PTPRD: variants seen among roughly 807,000 people sequenced by gnomAD.
The protein encoded by PTPRD is receptor-type tyrosine-protein phosphatase delta.
Under a neutral mutation model 214.5 loss-of-function variants are expected in PTPRD, and 34 were observed. The observed-to-expected ratio is 0.16, with a 90% CI of 0.12 to 0.21. PTPRD has a LOEUF of 0.21. Ranked by LOEUF, PTPRD falls within the 10% of genes least tolerant of loss-of-function variation. The pLI is 1.00. For missense variants in PTPRD, 2,545 were observed against 2,398.7 expected (o/e 1.06, Z -1.27); for synonymous variants, 1,128 against 845.7 (o/e 1.33, Z -5.79).
chr9:10,109,190 T>G (rs1164253295), intron 3 of PTPRD, among the ~76,000 whole-genome samples: 1 of 152,212 alleles, frequency 6.6e-6, no homozygotes, highest in Non-Finnish European at 1.5e-5. Flanking sequence ...AAGTTCTTTC[T>G]GTTACTGCAT....
intron 5 of PTPRD, among the ~76,000 whole-genome samples, chr9:9,829,443 T>C (rs1223916418): frequency 6.6e-6 from 1 of 151,884 alleles, no homozygotes; most frequent in Admixed American, 6.6e-5. Flanking sequence ...TTTGTTCTGA[T>C]TTTAATATCC....
At position 8,967,794 on chromosome 9, in the gene PTPRD, G is replaced by A. The variant is rs575990459; in HGVS notation, c.-104+50903C>T. 6.0e-4 allele frequency among the ~76,000 whole-genome samples: 91 copies of A among 152,102 alleles called. No homozygotes were observed. The South Asian group carries it at 0.018, about 30-fold the overall frequency. ...TAAATTAAAGTTTTAGGGTACAAGTGCACAACGTGCAGGTGTGTTACATAT... is the reference window on the plus strand; with the variant it reads ...TAAATTAAAGTTTTAGGGTACAAGTACACAACGTGCAGGTGTGTTACATAT... On this transcript the variant is annotated intron_variant, in intron 11 of 45. Transcript: ENST00000381196.
intron 2 of PTPRD, among the ~76,000 whole-genome samples, chr9:10,515,317 T>G (rs2049689198): frequency 6.6e-6 from 1 of 151,982 alleles, no homozygotes; most frequent in Non-Finnish European, 1.5e-5. Context: ...TGAAAAATGC[T>G]AAATACTGAA....
intron 7 of PTPRD, among the ~76,000 whole-genome samples, chr9:9,716,801 G>T (rs1229350032): frequency 2.0e-5 from 3 of 151,762 alleles, no homozygotes; most frequent in African/African-American, 7.2e-5. Flanking sequence ...TTTGTAGGTT[G>T]CCTGTTCACT....
At chr9:9,779,862 A>G (rs1398770571) in intron 5 of PTPRD, among the ~76,000 whole-genome samples, 2 of 152,166 alleles carry the variant, frequency 1.3e-5, no homozygotes, top group Non-Finnish European at 1.5e-5. Context: ...TTCTCAAAAA[A>G]CTTAAAATAG....
At chr9:9,627,873 C>G (rs1486928369) in intron 7 of PTPRD, among the ~76,000 whole-genome samples, 3 of 151,956 alleles carry the variant, frequency 2.0e-5, no homozygotes, top group Non-Finnish European at 4.4e-5. Context: ...CAGGGTATAA[C>G]AGAGGTTAGA....
chr9:9,832,045 C>T (rs2055035721), intron 5 of PTPRD, among the ~76,000 whole-genome samples: 1 of 151,900 alleles, frequency 6.6e-6, no homozygotes, highest in South Asian at 2.1e-4. Flanking sequence ...CATTTTATGT[C>T]TTTAACCTAC....
chr9:10,303,756 T>C (rs539427020), intron 3 of PTPRD, among the ~76,000 whole-genome samples: 6 of 152,062 alleles, frequency 3.9e-5, no homozygotes, highest in Non-Finnish European at 8.8e-5. Flanking sequence ...AGTTCTGAAA[T>C]TGAGGCAGTT....
At chr9:10,435,538 G>A (rs1436777489) in intron 2 of PTPRD, among the ~76,000 whole-genome samples, 1 of 151,714 alleles carries the variant, frequency 6.6e-6, no homozygotes, top group Non-Finnish European at 1.5e-5. Flanking sequence ...GGATCAATGT[G>A]CTCATCACTG....
chr9:9,751,101 C>T (rs2098513945), intron 6 of PTPRD, among the ~76,000 whole-genome samples: 1 of 152,122 alleles, frequency 6.6e-6, no homozygotes, highest in Admixed American at 6.6e-5. Context: ...AACATGCACA[C>T]TCTTATCCAC....
At chr9:10,249,705 C>G (rs1391091626) in intron 3 of PTPRD, among the ~76,000 whole-genome samples, 2 of 151,914 alleles carry the variant, frequency 1.3e-5, no homozygotes, top group Non-Finnish European at 2.9e-5. Flanking sequence ...CTTTCTTGTT[C>G]CTACAATTAG....
At chr9:9,108,249 T>G (rs1372970477) in intron 10 of PTPRD, among the ~76,000 whole-genome samples, 1 of 152,156 alleles carries the variant, frequency 6.6e-6, no homozygotes, top group Non-Finnish European at 1.5e-5. Flanking sequence ...TTTTTCTCCC[T>G]ACCTTTTGTT....
At chr9:9,468,200 T>A (rs1219636221) in intron 8 of PTPRD, among the ~76,000 whole-genome samples, 1 of 152,062 alleles carries the variant, frequency 6.6e-6, no homozygotes, top group African/African-American at 2.4e-5. Flanking sequence ...AGTTTTTTTA[T>A]CGGTTTTTAT....
At position 8,317,142 on chromosome 9, in the gene PTPRD, TGA is replaced by T. The variant is rs1413553762; in HGVS notation, c.*730_*731del. 1.3e-5 allele frequency: 3 copies of T among 231,662 alleles called. No individual in the cohort carries two copies. The highest frequency in any genetic ancestry group is 2.2e-5 in the African/African-American group (1 of 45,140). The allele number at this position is 231,662 out of a possible 1,614,324, so 14.4% of individuals were successfully genotyped here. ...ATCTGACGAGACTGATACTGTAGATTGAGTTTTGCACAAAAATGTGCAAATTT... is the reference window on the plus strand; with the variant it reads ...ATCTGACGAGACTGATACTGTAGATTGTTTTGCACAAAAATGTGCAAATTT... On this transcript the variant is annotated 3_prime_UTR_variant, in exon 46 of 46. Transcript: ENST00000381196.
chr9:9,863,074 A>C (rs1034551558), intron 5 of PTPRD, among the ~76,000 whole-genome samples: 8 of 152,208 alleles, frequency 5.3e-5, no homozygotes, highest in African/African-American at 1.9e-4. Context: ...TTCAACAAAA[A>C]TATTTGAGTG....
At chr9:9,800,330 T>C (rs2099030934) in intron 5 of PTPRD, among the ~76,000 whole-genome samples, 1 of 152,024 alleles carries the variant, frequency 6.6e-6, no homozygotes, top group Admixed American at 6.5e-5. Context: ...CAAGATCTTG[T>C]CTCTAAAAAA....
intron 9 of PTPRD, among the ~76,000 whole-genome samples, chr9:9,319,029 C>T (rs768486732): frequency 6.6e-6 from 1 of 152,218 alleles, no homozygotes; most frequent in Non-Finnish European, 1.5e-5. Context: ...TTTCCTCAAA[C>T]AGCAGTGATT....
intron 4 of PTPRD, among the ~76,000 whole-genome samples, chr9:9,991,597 G>A (rs1282457182): frequency 1.3e-5 from 2 of 152,148 alleles, no homozygotes; most frequent in African/African-American, 2.4e-5. Context: ...CTGAACTCAG[G>A]TGATCCACCT....
chr9:9,380,547 A>G (rs980476841), intron 9 of PTPRD, among the ~76,000 whole-genome samples: 2 of 152,120 alleles, frequency 1.3e-5, no homozygotes, highest in Admixed American at 6.6e-5. Context: ...ATGAAAGCAG[A>G]CATTTCTTAA....
Sources: gnomAD v4.1 joint callset for allele counts (sites outside exome capture counted in the v4.1 genomes callset) on GRCh38, gnomAD v4.1.1 for gene constraint, MANE v1.5 for transcripts, NCBI Gene and HGNC (gene_info 2026-07-23, HGNC 2026-07-21) for gene names.